Variants in DIS3L observed in about 807,000 individuals in gnomAD.
DIS3L encodes the protein DIS3 like exosome 3'-5' exoribonuclease, also known as DIS3-like exonuclease 1.
A neutral mutation model predicts 120.3 loss-of-function variants in DIS3L; 100 were observed. The observed-to-expected ratio is 0.83, with a 90% CI of 0.71 to 0.98. DIS3L has a LOEUF of 0.98. DIS3L is among the 50% of genes least tolerant of loss of function. DIS3L has a pLI of 0.00. For synonymous variants in DIS3L, 426 were observed against 470.6 expected (o/e 0.91, Z 1.23); for missense variants, 1,196 against 1,314.2 (o/e 0.91, Z 1.39).
intron 7 of DIS3L, 115 bp downstream of exon 7, chr15:66,315,330 T>C: frequency 4.1e-6 from 4 of 980,334 alleles, no homozygotes; most frequent in Middle Eastern, 3.4e-4. Context: ...TTATTTAAAT[T>C]GACAAAAACT....
chr15:66,311,703 C>T, intron 4 of DIS3L, 21 bp from the exon 5 acceptor site: 1 of 1,613,204 alleles, frequency 6.2e-7, no homozygotes, highest in South Asian at 1.1e-5. Flanking sequence ...CCGTGTTTCT[C>T]TGTGCCTTTA....
chr15:66,319,892 A>AACTTGAGG (rs2092862103), intron 8 of DIS3L, among the ~76,000 whole-genome samples: 1 of 150,796 alleles, frequency 6.6e-6, no homozygotes, highest in African/African-American at 2.4e-5. Context: ...AGGCAGGTGG[A>AACTTGAGG]TCACTTGAGG....
rs901670059 is a variant in DIS3L, at chr15:66,294,524, G to A, written c.140-464G>A. On this transcript the variant is annotated intron_variant, in intron 1 of 16. Transcript: ENST00000319212. ...GTGGGAAACCTCACCTCTGCACGTT[G>A]CTTGCACGGAGCATTTTCTCTGTTC... 2.0e-5 allele frequency: 20 copies of A among 989,834 alleles called. No homozygotes were observed. In the South Asian group the frequency reaches 5.5e-4, roughly 27 times the overall value. The allele number at this position is 989,834 out of a possible 1,614,324, so 61.3% of individuals were successfully genotyped here. A position where few individuals can be genotyped will look rare whatever the true frequency, so the allele number is the denominator to read the frequency against.
chr15:66,324,088 G>A (rs1272049689), intron 11 of DIS3L, among the ~76,000 whole-genome samples: 4 of 152,042 alleles, frequency 2.6e-5, no homozygotes, highest in Non-Finnish European at 4.4e-5. Context: ...TACCAGTTCC[G>A]TATTAGTTTT....
chr15:66,312,195 G>A lies in DIS3L; in HGVS notation c.735+295G>A, dbSNP rs145034708. On this transcript the variant is annotated intron_variant, in intron 5 of 16. Transcript: ENST00000319212. ...TGCACTCCAGCCTGGGTGACAGTGA[G>A]AACCTGTCTCAATTAAAAAAAAAAA... Among the ~76,000 whole-genome samples, 1,289 of 144,480 alleles carry A rather than the reference G, an allele frequency of 8.9e-3. 18 individuals are homozygous for A. Among genetic ancestry groups the A allele is most frequent in the African/African-American group, 0.031 (1,211 of 38,860 alleles). The allele number at this position is 144,480 out of a possible 152,430, so 94.8% of individuals were successfully genotyped here.
At chr15:66,317,705 G>T (rs1315474581) in intron 7 of DIS3L, among the ~76,000 whole-genome samples, 2 of 152,112 alleles carry the variant, frequency 1.3e-5, no homozygotes, top group African/African-American at 4.8e-5. Context: ...TGCTGGGTAT[G>T]ATGGCACGTG....
At position 66,332,794 on chromosome 15, in the gene DIS3L, G is replaced by A. The variant is rs1172134001; in HGVS notation, c.2740G>A (p.Gly914Ser). Reference sequence around the variant, plus strand: ...TAAAGATGGTTTAGTCATCTCATGTGGCCCAGATAGCTGTTCTGAATGGAA... The same window carrying A: ...TAAAGATGGTTTAGTCATCTCATGTAGCCCAGATAGCTGTTCTGAATGGAA... ...KNKDGLVISCGPDSCSEWKPG... is the reference protein window; with the variant it reads ...KNKDGLVISCSPDSCSEWKPG... The change falls in exon 16 of 17, where the codon GGC becomes AGC. Residue 914 changes from glycine to serine, a missense_variant. By Grantham distance (56) the Gly-to-Ser change is moderately conservative (BLOSUM62 0). Transcript: ENST00000319212. The A allele has an allele frequency of 1.9e-6, 3 of 1,613,720 alleles. No individual in the cohort carries two copies. The highest frequency in any genetic ancestry group is 1.1e-5 in the South Asian group (1 of 91,058).
At chr15:66,295,283 T>C (rs902725442) in intron 2 of DIS3L, 142 bp downstream of exon 2, 3 of 753,974 alleles carry the variant, frequency 4.0e-6, no homozygotes, top group Non-Finnish European at 6.3e-6. Flanking sequence ...TCTTTGATAG[T>C]GAGGAATGCA....
At position 66,315,216 on chromosome 15, in the gene DIS3L, G is replaced by C. The variant is rs76974409; in HGVS notation, c.994+1G>C. The C allele has an allele frequency of 6.2e-7, 1 of 1,604,968 alleles. No homozygotes were observed. Among genetic ancestry groups the C allele is most frequent in the African/African-American group, 1.3e-5 (1 of 74,930 alleles). On this transcript the variant is annotated splice_donor_variant, in intron 7 of 16. Transcript: ENST00000319212. LOFTEE classifies it high-confidence loss of function. Reference sequence around the variant, plus strand: ...TCCCCAAGTGAGCCCATGCCTACAGGTGAGCCAGCTGCAGAGCCACTCCGA... The same window carrying C: ...TCCCCAAGTGAGCCCATGCCTACAGCTGAGCCAGCTGCAGAGCCACTCCGA...
intron 4 of DIS3L, among the ~76,000 whole-genome samples, chr15:66,311,103 A>T (rs1403407656): frequency 1.3e-5 from 2 of 150,862 alleles, no homozygotes; most frequent in East Asian, 3.9e-4. Context: ...TGCTGGGCAC[A>T]GTGTAATCCC....
intron 11 of DIS3L, among the ~76,000 whole-genome samples, chr15:66,324,420 G>A (rs1280191047): frequency 6.6e-6 from 1 of 152,124 alleles, no homozygotes; most frequent in African/African-American, 2.4e-5. Flanking sequence ...TGATCCTTCC[G>A]CCTTGGCCAC....
At chr15:66,332,966 A>G (rs773232149) in intron 16 of DIS3L, 38 bp from the exon 17 acceptor site, 1 of 1,587,430 alleles carries the variant, frequency 6.3e-7, no homozygotes, top group African/African-American at 1.4e-5. Context: ...GGAATAAATA[A>G]TGTGATTTAG....
intron 5 of DIS3L, 45 bp from the exon 6 acceptor site, chr15:66,313,994 G>T: frequency 6.7e-7 from 1 of 1,496,606 alleles, no homozygotes; most frequent in Non-Finnish European, 9.0e-7. Flanking sequence ...TAAACCAGGC[G>T]GAAAAGAACA....
intron 2 of DIS3L, among the ~76,000 whole-genome samples, chr15:66,301,680 A>G (rs188745302): frequency 5.9e-5 from 9 of 152,318 alleles, no homozygotes; most frequent in South Asian, 2.1e-4. Flanking sequence ...ATGTTCATCT[A>G]TCTGGTCCCA....
rs747440177 is a variant in DIS3L, at chr15:66,326,361, C to T, written c.2198C>T (p.Thr733Ile). 9.9e-6 allele frequency: 16 copies of T among 1,613,190 alleles called. No homozygotes were observed. The South Asian group carries it at 1.2e-4, about 12-fold the overall frequency. Reference sequence around the variant, plus strand: ...AAAGCCAAAGGCTTCTTCATAGATACACGGTATTCCTCTTTTGAGGGGGCA... The same window carrying T: ...AAAGCCAAAGGCTTCTTCATAGATATACGGTATTCCTCTTTTGAGGGGGCA... ...CAKAKGFFID[T>I]RSNKTLADSL... The change falls in exon 12 of 17, where the codon ACA becomes ATA. Residue 733 changes from threonine (T) to isoleucine (I), a missense_variant. Thr to Ile is a moderately conservative substitution (Grantham distance 89, BLOSUM62 -1). Transcript: ENST00000319212.
chr15:66,307,098 G>C lies in DIS3L; in HGVS notation c.422+146G>C. On this transcript the variant is annotated intron_variant, in intron 3 of 16. Transcript: ENST00000319212. ...TGATTAACACCGAAATGCTTACCAT[G>C]TCAATATTTTAGATATATCATTTGA... 9.1e-6 allele frequency: 10 copies of C among 1,095,172 alleles called. No homozygotes were observed. The South Asian group carries it at 1.7e-4, about 18-fold the overall frequency. The allele number at this position is 1,095,172 out of a possible 1,614,324, so 67.8% of individuals were successfully genotyped here.
rs117563865 is a variant in DIS3L at position 66,319,787 on chromosome 15, G to A, written c.1165-784G>A. ...GGGGTAGTGGGGATTCAGTTTACAC[G>A]ACACCTTCTTCTCCACCAAAGACCA... On this transcript the variant is annotated intron_variant, in intron 8 of 16. Transcript: ENST00000319212. 9.8e-3 allele frequency among the ~76,000 whole-genome samples: 1,482 copies of A among 151,950 alleles called. 53 individuals carry two copies. Among genetic ancestry groups the A allele is most frequent in the Admixed American group, 0.061 (935 of 15,240 alleles).
At chr15:66,294,080 T>A in intron 1 of DIS3L, 1 of 985,908 alleles carries the variant, frequency 1.0e-6, no homozygotes, top group Non-Finnish European at 1.2e-6. Flanking sequence ...CCTCGCGCCG[T>A]GGAGAAATGG....
chr15:66,322,649 T>A, intron 9 of DIS3L, 38 bp from the exon 10 acceptor site: 1 of 1,605,520 alleles, frequency 6.2e-7, no homozygotes, highest in Non-Finnish European at 8.5e-7. Flanking sequence ...CAGAAATTTG[T>A]GGTGCATGAA....
Sources: gnomAD v4.1 joint callset for allele counts (sites outside exome capture counted in the v4.1 genomes callset) on GRCh38, gnomAD v4.1.1 for gene constraint, MANE v1.5 for transcripts, NCBI Gene and HGNC (gene_info 2026-07-23, HGNC 2026-07-21) for gene names.